ARPP19: variants seen among roughly 807,000 people sequenced by gnomAD.
ARPP19 encodes the protein cAMP regulated phosphoprotein 19, also known as cAMP-regulated phosphoprotein 19.
A neutral mutation model predicts 12.0 loss-of-function variants in ARPP19; 8 were observed. The ratio of observed to expected loss-of-function variants is 0.67; its 90% CI spans 0.39 to 1.21. The LOEUF is 1.21. Among genes scored for constraint, ARPP19 ranks in the 50% most tolerant of loss-of-function variants. ARPP19 has a pLI of 0.01. For missense variants in ARPP19, 102 were observed against 136.3 expected (o/e 0.75, Z 1.25); for synonymous variants, 47 against 50.4 (o/e 0.93, Z 0.29).
intron 1 of ARPP19, among the ~76,000 whole-genome samples, chr15:52,560,553 G>A (rs906647810): frequency 6.6e-6 from 1 of 152,160 alleles, no homozygotes; most frequent in Non-Finnish European, 1.5e-5. Context: ...TAACAGGGGG[G>A]AAAAGATGAC....
At chr15:52,559,140 A>G (rs181322386) in intron 1 of ARPP19, among the ~76,000 whole-genome samples, 1 of 152,332 alleles carries the variant, frequency 6.6e-6, no homozygotes, top group African/African-American at 2.4e-5. Context: ...TTGCAGATTC[A>G]TCCATTTATG....
At chr15:52,567,009 A>G (rs1257703682) in intron 1 of ARPP19, among the ~76,000 whole-genome samples, 1 of 152,220 alleles carries the variant, frequency 6.6e-6, no homozygotes, top group African/African-American at 2.4e-5. Flanking sequence ...GTGGAAGGTC[A>G]ATTGGGTACA....
At chr15:52,552,256 G>A in intron 2 of ARPP19, 152 bp from the exon 3 acceptor site, 1 of 599,916 alleles carries the variant, frequency 1.7e-6, no homozygotes, top group Non-Finnish European at 3.0e-6. Context: ...CTGAGTTCCA[G>A]CATAAGTCAA....
chr15:52,552,365 T>C (rs2077941065), intron 2 of ARPP19, among the ~76,000 whole-genome samples: 1 of 151,206 alleles, frequency 6.6e-6, no homozygotes, highest in Non-Finnish European at 1.5e-5. Context: ...AGGTCAGGAG[T>C]TCCAGGCCAG....
chr15:52,558,652 A>G (rs2078005037), intron 1 of ARPP19, among the ~76,000 whole-genome samples: 1 of 152,062 alleles, frequency 6.6e-6, no homozygotes, highest in Non-Finnish European at 1.5e-5. Flanking sequence ...TCAAAGCAGG[A>G]ATGTTAAATC....
chr15:52,560,925 G>C (rs538604301), intron 1 of ARPP19, among the ~76,000 whole-genome samples: 2 of 152,322 alleles, frequency 1.3e-5, no homozygotes, highest in East Asian at 1.9e-4. Context: ...ACTCTGAACA[G>C]TACTCATCCT....
intron 1 of ARPP19, among the ~76,000 whole-genome samples, chr15:52,560,287 G>A (rs887043199): frequency 3.3e-5 from 5 of 151,994 alleles, no homozygotes; most frequent in Admixed American, 1.3e-4. Flanking sequence ...TGAGCCACTG[G>A]GCCCAGCCGC....
chr15:52,563,116 C>T (rs1381565330), intron 1 of ARPP19, among the ~76,000 whole-genome samples: 2 of 152,204 alleles, frequency 1.3e-5, no homozygotes, highest in East Asian at 3.9e-4. Flanking sequence ...CCTCGTGATC[C>T]ATCTGCCTCT....
chr15:52,563,884 C>A (rs1222128389), intron 1 of ARPP19, among the ~76,000 whole-genome samples: 1 of 152,162 alleles, frequency 6.6e-6, no homozygotes, highest in East Asian at 1.9e-4. Flanking sequence ...TGTTGTCATT[C>A]TATTAAGTCT....
In ARPP19 at chr15:52,561,819, A is replaced by T. The variant is rs866410350; in HGVS notation, c.46-4597T>A. On this transcript the variant is annotated intron_variant, in intron 1 of 2. Coordinates refer to ENST00000249822, the MANE Select transcript of ARPP19 (RefSeq NM_006628.6). ...CTAGCCACTTGTGGAGTACACATTT[A>T]AAAAAATCTAAAAACAAGGACATAG... Among the ~76,000 whole-genome samples the T allele has an allele frequency of 2.0e-5, 3 of 151,656 alleles. No homozygotes were observed. In the South Asian group the frequency reaches 6.2e-4, roughly 31 times the overall value.
chr15:52,557,094 A>G lies in ARPP19; in HGVS notation c.168+6T>C. The G allele has an allele frequency of 6.2e-7, 1 of 1,611,590 alleles. No individual in the cohort carries two copies. Among genetic ancestry groups the G allele is most frequent in the Non-Finnish European group, 8.5e-7 (1 of 1,179,734 alleles). ...AAGTATTTGGAAATTACCCATGAGA[A>G]CTTACCCCTTTCTGCAACCGTTTCC... On this transcript the variant is annotated splice_donor_region_variant and intron_variant, in intron 2 of 2. Transcript: ENST00000249822.
At chr15:52,556,879 G>T in intron 2 of ARPP19, 1 of 430,134 alleles carries the variant, frequency 2.3e-6, no homozygotes, top group East Asian at 3.8e-5. Context: ...ATTTCTACAT[G>T]CTTTAAATAG....
chr15:52,563,016 C>T lies in ARPP19; in HGVS notation c.46-5794G>A, dbSNP rs144217306. Among the ~76,000 whole-genome samples, 1,090 of 151,956 alleles carry T rather than the reference C, an allele frequency of 7.2e-3. 16 individuals carry two copies. The highest frequency in any genetic ancestry group is 0.025 in the African/African-American group (1,041 of 41,424). Reference sequence around the variant, plus strand: ...TCAGCCTCCCGAGTAGCTGGGATTACAGGTGCCCATCACCGCACCTGGCTG... The same window carrying T: ...TCAGCCTCCCGAGTAGCTGGGATTATAGGTGCCCATCACCGCACCTGGCTG... On this transcript the variant is annotated intron_variant, in intron 1 of 2. Transcript: ENST00000249822.
At chr15:52,568,701 G>A in intron 1 of ARPP19, 147 bp downstream of exon 1, 1 of 513,278 alleles carries the variant, frequency 1.9e-6, no homozygotes, top group South Asian at 3.1e-5. Context: ...AGCCAGCGAC[G>A]GCGGGAAGCC....
chr15:52,558,916 A>G (rs1224586240), intron 1 of ARPP19, among the ~76,000 whole-genome samples: 1 of 152,038 alleles, frequency 6.6e-6, no homozygotes, highest in Non-Finnish European at 1.5e-5. Context: ...CTCTCACCTC[A>G]GCCTCCCAAT....
intron 1 of ARPP19, among the ~76,000 whole-genome samples, chr15:52,559,471 C>T (rs1301255230): frequency 6.6e-6 from 1 of 152,186 alleles, no homozygotes; most frequent in East Asian, 1.9e-4. Flanking sequence ...AGCCATCTAG[C>T]CATCTGTTCA....
chr15:52,552,148 T>A, intron 2 of ARPP19, 44 bp from the exon 3 acceptor site: 1 of 1,244,700 alleles, frequency 8.0e-7, no homozygotes. Flanking sequence ...GCTTAGCAAT[T>A]ACTGATTTAA....
chr15:52,562,285 T>C (rs1021278188), intron 1 of ARPP19, among the ~76,000 whole-genome samples: 1 of 152,188 alleles, frequency 6.6e-6, no homozygotes, highest in Non-Finnish European at 1.5e-5. Flanking sequence ...TGACTAATAC[T>C]AGGCCATAAA....
At chr15:52,561,651 AAAATAAAAAAAATTTT>A (rs2078033331) in intron 1 of ARPP19, among the ~76,000 whole-genome samples, 1 of 152,020 alleles carries the variant, frequency 6.6e-6, no homozygotes, top group African/African-American at 2.4e-5. Flanking sequence ...GAAAGGAAGA[AAAATAAAAAAAATTTT>A]AAATACCAAA....
Sources: gnomAD v4.1 joint callset for allele counts (sites outside exome capture counted in the v4.1 genomes callset) on GRCh38, gnomAD v4.1.1 for gene constraint, MANE v1.5 for transcripts, NCBI Gene and HGNC (gene_info 2026-07-23, HGNC 2026-07-21) for gene names.